Variants in ZFYVE28 observed in about 807,000 individuals in gnomAD.
ZFYVE28 encodes lateral signaling target protein 2 homolog.
A neutral mutation model predicts 82.1 loss-of-function variants in ZFYVE28; 40 were observed. The observed-to-expected ratio is 0.49, with a 90% CI of 0.38 to 0.63. ZFYVE28 has a LOEUF of 0.63. Among genes scored for constraint, ZFYVE28 ranks in the 30% least tolerant of loss-of-function variants. ZFYVE28 has a pLI of 0.00. For synonymous variants in ZFYVE28, 612 were observed against 546.1 expected (o/e 1.12, Z -1.68); for missense variants, 1,321 against 1,242.1 (o/e 1.06, Z -0.96).
Position 2,344,154 on chromosome 4 carries a change from C to G in ZFYVE28, c.181-2539G>C, listed in dbSNP as rs903726973. Among the ~76,000 whole-genome samples the G allele has an allele frequency of 2.0e-5, 3 of 152,148 alleles. 1 individual carries two copies. The highest frequency in any genetic ancestry group is 6.3e-3 in the Middle Eastern group (2 of 316). ...ACAGGAGAGGGAACTCGGATGGAAC[C>G]AAGGCAGTTAGGATTCAGAGAGCAG... On this transcript the variant is annotated intron_variant, in intron 2 of 12. Coordinates refer to ENST00000290974, the MANE Select transcript of ZFYVE28 (RefSeq NM_020972.3).
chr4:2,346,662 T>C (rs933783351), intron 2 of ZFYVE28, among the ~76,000 whole-genome samples: 6 of 152,160 alleles, frequency 3.9e-5, no homozygotes, highest in Non-Finnish European at 8.8e-5. Flanking sequence ...CTATGTGAAA[T>C]TGTACAATGT....
intron 1 of ZFYVE28, among the ~76,000 whole-genome samples, chr4:2,382,857 G>T (rs187167255): frequency 1.3e-5 from 2 of 152,068 alleles, no homozygotes; most frequent in Admixed American, 6.5e-5. Context: ...TCAGAATCAC[G>T]GCAGGAGGCA....
intron 1 of ZFYVE28, among the ~76,000 whole-genome samples, chr4:2,363,482 G>T (rs897379721): frequency 8.8e-6 from 1 of 113,358 alleles, no homozygotes; most frequent in Admixed American, 1.0e-4. Context: ...GGGTCACGTG[G>T]TCCCTGAGGG....
At chr4:2,333,579 G>A (rs1029245131) in intron 6 of ZFYVE28, among the ~76,000 whole-genome samples, 1 of 152,106 alleles carries the variant, frequency 6.6e-6, no homozygotes, top group African/African-American at 2.4e-5. Context: ...CTCCAGGCCC[G>A]ACCTTTAAGA....
At position 2,284,910 on chromosome 4, in the gene ZFYVE28, C is replaced by T. The variant is rs74957482; in HGVS notation, c.2052-10694G>A. On this transcript the variant is annotated intron_variant, in intron 8 of 12. Transcript: ENST00000290974. ...ACGGCAAGGATTTAGCAGGGAGGCG[C>T]GAGTGTGCTGTTTGGGGTTGAATTG... Among the ~76,000 whole-genome samples the T allele has an allele frequency of 1.9e-4, 29 of 152,306 alleles. No individual in the cohort carries two copies. In the South Asian group the frequency reaches 3.5e-3, roughly 19 times the overall value.
At chr4:2,358,384 G>A (rs1053477378) in intron 1 of ZFYVE28, among the ~76,000 whole-genome samples, 6 of 152,234 alleles carry the variant, frequency 3.9e-5, no homozygotes, top group African/African-American at 1.4e-4. Context: ...GAAAATGCTA[G>A]AAACGGGCGC....
Position 2,416,378 on chromosome 4 carries a change from C to T in ZFYVE28, c.39+1907G>A, listed in dbSNP as rs925425041. 6.6e-6 allele frequency among the ~76,000 whole-genome samples: 1 copy of T among 152,202 alleles called. No homozygotes were observed. The highest frequency in any genetic ancestry group is 2.4e-5 in the African/African-American group (1 of 41,448). On this transcript the variant is annotated intron_variant, in intron 1 of 12. Transcript: ENST00000290974. This position sits in a 1 kb window ranked among gnomAD's most constrained non-coding sequence, Gnocchi z 4.6. ...CCACAGCCACGTCCGGAGGGGCATC[C>T]CCTAGTGTCCCAGCAAGTGCCTTCA...
chr4:2,386,934 T>A (rs1288117953), intron 1 of ZFYVE28, among the ~76,000 whole-genome samples: 1 of 152,196 alleles, frequency 6.6e-6, no homozygotes, highest in African/African-American at 2.4e-5. Flanking sequence ...TCCAGTCTTG[T>A]CTGGAAAGAA....
chr4:2,303,679 C>T (rs917685390), intron 8 of ZFYVE28, among the ~76,000 whole-genome samples: 6 of 152,194 alleles, frequency 3.9e-5, no homozygotes, highest in African/African-American at 9.6e-5. Context: ...CCCCATCTCC[C>T]CCCAGTGCAG....
At chr4:2,343,938 T>A (rs910091067) in intron 2 of ZFYVE28, among the ~76,000 whole-genome samples, 1 of 152,198 alleles carries the variant, frequency 6.6e-6, no homozygotes, top group African/African-American at 2.4e-5. Flanking sequence ...AAACACTTGC[T>A]AGGACTTCTA....
Position 2,271,721 on chromosome 4 carries a change from C to T in ZFYVE28, c.2382G>A (p.Leu794=). The T allele has an allele frequency of 6.2e-7, 1 of 1,613,950 alleles. No homozygotes were observed. The change falls in exon 11 of 13, where the codon CTG becomes CTA. Residue 794 remains leucine, a synonymous_variant. Transcript: ENST00000290974. ...LEDCALCQET[L]SSSELAAKTR... is the part of the protein sequence containing the mutation. ...TCTTGGCTGCCAGTTCAGAGGATGA[C>T]AGGGTCTCCTGGCACAGTGCACAGT...
At chr4:2,369,671 C>T (rs946608693) in intron 1 of ZFYVE28, among the ~76,000 whole-genome samples, 10 of 151,614 alleles carry the variant, frequency 6.6e-5, no homozygotes, top group Admixed American at 3.3e-4. Context: ...GAAGATGGGG[C>T]GGAGATCGGT....
Position 2,305,461 on chromosome 4 carries a change from C to A in ZFYVE28, c.879G>T (p.Glu293Asp), listed in dbSNP as rs1383410686. ...CCTGCACGTCTGCGCGGATGGGGAACTCCACGTCTTGGGAAATGCAGAGGT... is the reference window on the plus strand; with the variant it reads ...CCTGCACGTCTGCGCGGATGGGGAAATCCACGTCTTGGGAAATGCAGAGGT... ...ERNLCISQDV[E>D]FPIRADVQGP... Residue 293 changes from glutamate to aspartate, a missense_variant, in exon 8 of 13, where the codon GAG becomes GAT. By Grantham distance (45) the Glu-to-Asp change is conservative. Around this residue, in one of 2 missense-constraint regions of ZFYVE28, gnomAD observed 978 missense variants for 833.7 expected, o/e 1.17. Coordinates refer to ENST00000290974, the MANE Select transcript of ZFYVE28 (RefSeq NM_020972.3). 11 of 1,612,874 alleles carry A rather than the reference C, an allele frequency of 6.8e-6. No homozygotes were observed. Among genetic ancestry groups the A allele is most frequent in the Non-Finnish European group, 9.3e-6 (11 of 1,180,044 alleles).
chr4:2,317,006 T>TG (rs1491221783), intron 7 of ZFYVE28, among the ~76,000 whole-genome samples: 1 of 138,180 alleles, frequency 7.2e-6, no homozygotes, highest in African/African-American at 2.8e-5. Flanking sequence ...TTTTTTTTTT[T>TG]GAGACAGAGT....
chr4:2,316,949 C>T (rs1718306929), intron 7 of ZFYVE28, among the ~76,000 whole-genome samples: 1 of 151,488 alleles, frequency 6.6e-6, no homozygotes, highest in South Asian at 2.1e-4. Flanking sequence ...ACCTTGGCCT[C>T]CTAAAGTGCT....
intron 2 of ZFYVE28, among the ~76,000 whole-genome samples, chr4:2,349,919 C>CT (rs892383149): frequency 1.3e-5 from 2 of 152,182 alleles, no homozygotes; most frequent in Non-Finnish European, 2.9e-5. Context: ...TAACATCACG[C>CT]TTATCTTTGG....
At position 2,308,623 on chromosome 4, in the gene ZFYVE28, A is replaced by AC. The variant is rs1716945552; in HGVS notation, c.804-3088_804-3087insG. Among the ~76,000 whole-genome samples the AC allele has an allele frequency of 7.1e-5, 7 of 98,758 alleles. No individual in the cohort carries two copies. The South Asian group carries it at 2.1e-3, about 30-fold the overall frequency. 64.8% of individuals were successfully genotyped at this position (98,758 alleles called of 152,430 possible). ...GACAGAGAGAGAGAAAGAAAGAAAGAAGACAGAAAGAAAGAAAGAAAGAAA... is the reference window on the plus strand; with the variant it reads ...GACAGAGAGAGAGAAAGAAAGAAAGACAGACAGAAAGAAAGAAAGAAAGAAA... On this transcript the variant is annotated intron_variant, in intron 7 of 12. Coordinates refer to ENST00000290974, the MANE Select transcript of ZFYVE28 (RefSeq NM_020972.3).
At chr4:2,301,466 T>C (rs550472408) in intron 8 of ZFYVE28, among the ~76,000 whole-genome samples, 1 of 152,220 alleles carries the variant, frequency 6.6e-6, no homozygotes, top group Non-Finnish European at 1.5e-5. Context: ...AACGCTTCCC[T>C]GGAAGATGAC....
Position 2,320,982 on chromosome 4 carries a change from C to A in ZFYVE28, c.702-711G>T, listed in dbSNP as rs1287714577. Among the ~76,000 whole-genome samples, 1 of 152,164 alleles carries A rather than the reference C, an allele frequency of 6.6e-6. No individual in the cohort carries two copies. The highest frequency in any genetic ancestry group is 2.4e-5 in the African/African-American group (1 of 41,444). On this transcript the variant is annotated intron_variant, in intron 6 of 12. Coordinates refer to ENST00000290974, the MANE Select transcript of ZFYVE28 (RefSeq NM_020972.3). The surrounding 1 kb of genome is among the most constrained non-coding windows in gnomAD (Gnocchi z 5.1). ...CCAGTGGCACCCACTCCTCTCCACG[C>A]ACCGTCCAGCCCTGCCAAGCTCCGA...
Sources: gnomAD v4.1 joint callset for allele counts (sites outside exome capture counted in the v4.1 genomes callset) on GRCh38, gnomAD v4.1.1 for gene constraint, gnomAD v4.1.1 regional missense constraint, Gnocchi (gnomAD v3.1) non-coding constraint, MANE v1.5 for transcripts, NCBI Gene and HGNC (gene_info 2026-07-23, HGNC 2026-07-21) for gene names.